Variants in FBLN7 observed in about 807,000 individuals in gnomAD.
The protein encoded by FBLN7 is fibulin 7.
Under a neutral mutation model 44.0 loss-of-function variants are expected in FBLN7, and 31 were observed. That is an observed-to-expected ratio of 0.70 (90% confidence interval 0.53 to 0.95). The LOEUF is 0.95. FBLN7 is among the 40% of genes least tolerant of loss of function. The probability of loss-of-function intolerance (pLI) is 0.00; values close to 1 mark genes in which losing one functional copy is unlikely to be tolerated. For synonymous variants in FBLN7, 262 were observed against 253.4 expected (o/e 1.03, Z -0.32); for missense variants, 573 against 618.5 (o/e 0.93, Z 0.78).
chr2:112,219,288 C>G, the FBLN7 span, among the ~76,000 whole-genome samples: 1 of 152,198 alleles, frequency 6.6e-6, no homozygotes, highest in Middle Eastern at 3.4e-3. Flanking sequence ...ACCCTCACGT[C>G]TATGGTAAAT....
the FBLN7 span, among the ~76,000 whole-genome samples, chr2:112,196,325 CTG>C: frequency 6.0e-5 from 9 of 150,130 alleles, no homozygotes; most frequent in Non-Finnish European, 1.0e-4. Context: ...ACATTTGACT[CTG>C]TGCACCTGCC....
chr2:112,184,589 G>A (rs566950454), intron 6 of FBLN7, among the ~76,000 whole-genome samples: 12 of 151,842 alleles, frequency 7.9e-5, no homozygotes, highest in South Asian at 6.2e-4. Flanking sequence ...ATGGGGTGAG[G>A]CTGGCAGGGA....
chr2:112,173,090 G>C (rs975441829), intron 3 of FBLN7, among the ~76,000 whole-genome samples: 2 of 152,216 alleles, frequency 1.3e-5, no homozygotes, highest in South Asian at 2.1e-4. Flanking sequence ...GCAAATGAAA[G>C]AGATGGTCAT....
chr2:112,201,137 A>G, the FBLN7 span, among the ~76,000 whole-genome samples: 1 of 152,346 alleles, frequency 6.6e-6, no homozygotes, highest in Non-Finnish European at 1.5e-5. Context: ...TGGTTCACTA[A>G]GGCTGCCTCT....
intron 4 of FBLN7, chr2:112,176,239 G>C (rs1369525238): frequency 1.2e-5 from 2 of 160,340 alleles, no homozygotes; most frequent in Admixed American, 1.2e-4. Context: ...TATTGATGCA[G>C]GCCCAAGTAT....
the FBLN7 span, among the ~76,000 whole-genome samples, chr2:112,218,743 C>T: frequency 2.6e-5 from 4 of 152,146 alleles, no homozygotes; most frequent in African/African-American, 9.7e-5. Context: ...GGCTTCCCAT[C>T]AACAGTAGGC....
intron 5 of FBLN7, 73 bp downstream of exon 5, chr2:112,181,949 ACCG>A (rs1558894969): frequency 2.7e-6 from 4 of 1,470,078 alleles, no homozygotes; most frequent in South Asian, 1.3e-5. Context: ...GCTCTCACCC[ACCG>A]CCCTCCTGCC....
At chr2:112,163,531 C>CA in intron 2 of FBLN7, among the ~76,000 whole-genome samples, 1 of 152,204 alleles carries the variant, frequency 6.6e-6, no homozygotes, top group Non-Finnish European at 1.5e-5. Flanking sequence ...TGCTCTGTTG[C>CA]AAAAAGAAGA....
At chr2:112,157,047 T>C (rs1006372450) in intron 1 of FBLN7, among the ~76,000 whole-genome samples, 1 of 152,102 alleles carries the variant, frequency 6.6e-6, no homozygotes, top group Non-Finnish European at 1.5e-5. Flanking sequence ...ATAAAACCAA[T>C]ACTCAGTAGA....
At chr2:112,198,414 A>G in the FBLN7 span, among the ~76,000 whole-genome samples, 1 of 152,226 alleles carries the variant, frequency 6.6e-6, no homozygotes, top group South Asian at 2.1e-4. Context: ...AGGTGGGCAG[A>G]TTGCTTGAGG....
chr2:112,138,793 C>A, intron 1 of FBLN7, 63 bp downstream of exon 1: 1 of 1,434,958 alleles, frequency 7.0e-7, no homozygotes, highest in Non-Finnish European at 9.3e-7. Context: ...AGGCCAGTGT[C>A]CCTCCCGCCT....
chr2:112,183,763 T>G (rs1224683946), intron 6 of FBLN7, among the ~76,000 whole-genome samples: 2 of 152,166 alleles, frequency 1.3e-5, no homozygotes, highest in African/African-American at 2.4e-5. Context: ...TTTCTGAGGC[T>G]GATTCCTGGC....
chr2:112,172,176 A>G (rs2104586187), intron 3 of FBLN7, among the ~76,000 whole-genome samples: 1 of 152,338 alleles, frequency 6.6e-6, no homozygotes, highest in South Asian at 2.1e-4. Flanking sequence ...AACATCATCA[A>G]TATCTAATTA....
At chr2:112,190,195 A>G (rs958287442), downstream of FBLN7, 1 of 152,214 alleles carries the variant, frequency 6.6e-6, no homozygotes, top group South Asian at 2.1e-4. Flanking sequence ...TTATTTAGGC[A>G]AGACTACTTT....
the FBLN7 span, among the ~76,000 whole-genome samples, chr2:112,237,103 A>G: frequency 1.3e-5 from 2 of 152,198 alleles, no homozygotes; most frequent in African/African-American, 4.8e-5. Context: ...ATAATTGAGG[A>G]AAGTTCTCTA....
At chr2:112,194,907 T>C in the FBLN7 span, among the ~76,000 whole-genome samples, 1 of 152,202 alleles carries the variant, frequency 6.6e-6, no homozygotes, top group Non-Finnish European at 1.5e-5. Context: ...AAGGGGATAC[T>C]TTGAACAATG....
At chr2:112,184,734 GTA>G (rs752232305) in intron 6 of FBLN7, among the ~76,000 whole-genome samples, 82 of 142,686 alleles carry the variant, frequency 5.7e-4, no homozygotes, top group East Asian at 2.8e-3. Flanking sequence ...TATGTATATG[GTA>G]TATATATATA....
Position 112,187,306 on chromosome 2 carries a change from G to A in FBLN7, c.1120G>A (p.Gly374Arg). Residue 374 changes from glycine to arginine, a missense_variant, in exon 8 of 8, where the codon GGG (glycine) becomes AGG (arginine). Gly to Arg is a moderately radical substitution (Grantham distance 125, BLOSUM62 -2). Coordinates refer to ENST00000331203, the MANE Select transcript of FBLN7 (RefSeq NM_153214.3). The surrounding 1 kb of genome is among the most constrained non-coding windows in gnomAD (Gnocchi z 5.1). The part of the protein sequence containing the change: ...GRAGPNSLRF[G>R]IVGGNSRGHF... ...AGCTGGGCCCAACAGCCTGCGGTTT[G>A]GGATCGTGGGTGGGAACAGCCGCGG... is the stretch of plus-strand genomic sequence containing the variant. The A allele has an allele frequency of 6.2e-7, 1 of 1,614,170 alleles. No homozygotes were observed. The highest frequency in any genetic ancestry group is 8.5e-7 in the Non-Finnish European group (1 of 1,180,038).
rs541979855 is a variant in FBLN7 at position 112,147,585 on chromosome 2, G to A, written c.75+8855G>A. ...TTGTCCCTGGAGCCCAGACTCCCCC[G>A]GCCTCTCTGCATTTGGCTCCCGCCT... On this transcript the variant is annotated intron_variant, in intron 1 of 7. Transcript: ENST00000331203. Among the ~76,000 whole-genome samples, 37 of 152,180 alleles carry A rather than the reference G, an allele frequency of 2.4e-4. No individual in the cohort carries two copies. In the East Asian group the frequency reaches 6.0e-3, roughly 25 times the overall value.
Sources: gnomAD v4.1 joint callset for allele counts (sites outside exome capture counted in the v4.1 genomes callset) on GRCh38, gnomAD v4.1.1 for gene constraint, Gnocchi (gnomAD v3.1) non-coding constraint, MANE v1.5 for transcripts, NCBI Gene and HGNC (gene_info 2026-07-23, HGNC 2026-07-21) for gene names.